Variants in COL26A1 observed in about 807,000 individuals in gnomAD.
The protein encoded by COL26A1 is collagen alpha-1(XXVI) chain.
COL26A1 carries 41 observed loss-of-function variants against 59.3 expected under a neutral mutation model. That is an observed-to-expected ratio of 0.69 (90% confidence interval 0.54 to 0.90). The LOEUF is 0.90. Among genes scored for constraint, COL26A1 ranks in the 40% least tolerant of loss-of-function variants. COL26A1 has a pLI of 0.00. For missense variants in COL26A1, 612 were observed against 602.3 expected, an observed-to-expected ratio of 1.02 and a Z score of -0.17; for synonymous variants, 266 against 256.0, an observed-to-expected ratio of 1.04 and a Z score of -0.37.
chr7:101,541,010 G>A (rs1795605213), intron 5 of COL26A1, among the ~76,000 whole-genome samples: 1 of 152,100 alleles, frequency 6.6e-6, no homozygotes, highest in South Asian at 2.1e-4. Flanking sequence ...TGAGAAAATT[G>A]GCCATCAGGG....
intron 3 of COL26A1, among the ~76,000 whole-genome samples, chr7:101,470,110 T>G (rs28759973): frequency 0.64 from 95,346 of 149,292 alleles, 32,658 homozygotes; most frequent in African/African-American, 0.91. Flanking sequence ...TTTTTTGTTT[T>G]TTTTTTTTTT....
intron 3 of COL26A1, among the ~76,000 whole-genome samples, chr7:101,497,682 A>AAAAT: frequency 6.6e-6 from 1 of 151,650 alleles, no homozygotes; most frequent in East Asian, 1.9e-4. Flanking sequence ...CCTCAGAAAA[A>AAAAT]AAATAAATAA....
At chr7:101,535,806 G>A (rs370054607) in intron 4 of COL26A1, among the ~76,000 whole-genome samples, 1 of 152,208 alleles carries the variant, frequency 6.6e-6, no homozygotes, top group African/African-American at 2.4e-5. Flanking sequence ...GGTCCAGAGT[G>A]GGGAAGCTCA....
At chr7:101,524,518 A>G (rs1416812993) in intron 3 of COL26A1, among the ~76,000 whole-genome samples, 2 of 151,746 alleles carry the variant, frequency 1.3e-5, no homozygotes, top group Non-Finnish European at 2.9e-5. Context: ...CTAGTGTAAC[A>G]CACCAGCTGC....
chr7:101,544,301 C>T (rs1335808702), intron 6 of COL26A1, among the ~76,000 whole-genome samples: 1 of 152,152 alleles, frequency 6.6e-6, no homozygotes, highest in East Asian at 1.9e-4. Context: ...CATCTCGGCT[C>T]ATTGCCACCT....
At position 101,409,112 on chromosome 7, in the gene COL26A1, G is replaced by T. The variant is rs559337022; in HGVS notation, c.159-10865G>T. On this transcript the variant is annotated intron_variant, in intron 1 of 12. Coordinates refer to ENST00000313669, the MANE Select transcript of COL26A1 (RefSeq NM_001278563.3). Reference sequence around the variant, plus strand: ...CCCAGATTTGGGTGAAGATGATCAGGACACCTTGCTTAGGTAGCAGAATGA... The same window carrying T: ...CCCAGATTTGGGTGAAGATGATCAGTACACCTTGCTTAGGTAGCAGAATGA... Among the ~76,000 whole-genome samples, 7 of 152,282 alleles carry T rather than the reference G, an allele frequency of 4.6e-5. No homozygotes were observed. In the South Asian group the frequency reaches 1.5e-3, roughly 32 times the overall value.
chr7:101,498,584 G>A (rs1384022488), intron 3 of COL26A1, among the ~76,000 whole-genome samples: 3 of 152,144 alleles, frequency 2.0e-5, no homozygotes, highest in African/African-American at 4.8e-5. Flanking sequence ...GCCTTTCTTT[G>A]CATGAGAAAC....
At chr7:101,373,370 G>C (rs1380344125) in intron 1 of COL26A1, among the ~76,000 whole-genome samples, 1 of 152,182 alleles carries the variant, frequency 6.6e-6, no homozygotes, top group Admixed American at 6.5e-5. Flanking sequence ...CACTTTCTTG[G>C]TTTGCAATGG....
chr7:101,456,166 A>G (rs1389522490), intron 3 of COL26A1, among the ~76,000 whole-genome samples: 1 of 99,598 alleles, frequency 1.0e-5, no homozygotes, highest in Admixed American at 9.7e-5. Flanking sequence ...ATATATATAT[A>G]TATTTTTTTT....
chr7:101,435,272 T>C (rs1336070461), intron 2 of COL26A1, among the ~76,000 whole-genome samples: 1 of 152,146 alleles, frequency 6.6e-6, no homozygotes, highest in Non-Finnish European at 1.5e-5. Context: ...TGAGCTGAGA[T>C]TGTGCCACTG....
intron 1 of COL26A1, among the ~76,000 whole-genome samples, chr7:101,401,766 G>GAA (rs1351616864): frequency 3.1e-5 from 4 of 129,950 alleles, no homozygotes; most frequent in African/African-American, 1.3e-4. Context: ...AGAGGAGGAG[G>GAA]GAGAAGAGGA....
At chr7:101,543,154 C>T (rs1795653784) in intron 5 of COL26A1, among the ~76,000 whole-genome samples, 1 of 150,342 alleles carries the variant, frequency 6.7e-6, no homozygotes, top group South Asian at 2.1e-4. Flanking sequence ...CAGTGCAGGT[C>T]CCTTCATCAG....
intron 1 of COL26A1, among the ~76,000 whole-genome samples, chr7:101,389,377 ATTTT>A (rs71106518): frequency 2.2e-5 from 2 of 89,374 alleles, no homozygotes; most frequent in African/African-American, 4.0e-5. Context: ...TGATTTGCAC[ATTTT>A]TTTTTTTTTT....
At chr7:101,460,411 C>T (rs1401659230) in intron 3 of COL26A1, among the ~76,000 whole-genome samples, 1 of 152,114 alleles carries the variant, frequency 6.6e-6, no homozygotes, top group East Asian at 1.9e-4. Context: ...CCTCTCTCTT[C>T]TGTAGATTGC....
At position 101,387,736 on chromosome 7, in the gene COL26A1, TTATATATATATATATATTTA is replaced by T. The variant is rs1376001362; in HGVS notation, c.158+24564_158+24583del. 2.8e-5 allele frequency among the ~76,000 whole-genome samples: 3 copies of T among 106,908 alleles called. 1 individual carries two copies. Among genetic ancestry groups the T allele is most frequent in the African/African-American group, 1.2e-4 (3 of 26,086 alleles). The allele number at this position is 106,908 out of a possible 152,430, so 70.1% of individuals were successfully genotyped here. ...TTTTTTAACATATATTTTAATATAA[TTATATATATATATATATTTA>T]TATATATATATATATATATATATTT... On this transcript the variant is annotated intron_variant, in intron 1 of 12. Transcript: ENST00000313669.
chr7:101,483,252 C>T (rs1794193635), intron 3 of COL26A1, among the ~76,000 whole-genome samples: 1 of 151,144 alleles, frequency 6.6e-6, no homozygotes, highest in Admixed American at 6.6e-5. Flanking sequence ...GGCTAGAGTG[C>T]AGTGGCATGA....
intron 1 of COL26A1, among the ~76,000 whole-genome samples, chr7:101,380,004 C>G (rs1791410024): frequency 6.6e-6 from 1 of 151,854 alleles, no homozygotes; most frequent in African/African-American, 2.4e-5. Flanking sequence ...TCTTTTTTTT[C>G]TTTTTGAGAC....
intron 3 of COL26A1, among the ~76,000 whole-genome samples, chr7:101,515,253 C>T (rs763322616): frequency 2.2e-4 from 34 of 152,154 alleles, no homozygotes; most frequent in Non-Finnish European, 3.2e-4. Context: ...ATTGGTGTTT[C>T]TGGATTCGAG....
chr7:101,381,756 T>G (rs1222681867), intron 1 of COL26A1, among the ~76,000 whole-genome samples: 1 of 152,198 alleles, frequency 6.6e-6, no homozygotes, highest in East Asian at 1.9e-4. Flanking sequence ...ATGTGTGCTT[T>G]GTGGGGGACA....
Sources: gnomAD v4.1 joint callset for allele counts (sites outside exome capture counted in the v4.1 genomes callset) on GRCh38, gnomAD v4.1.1 for gene constraint, MANE v1.5 for transcripts, NCBI Gene and HGNC (gene_info 2026-07-23, HGNC 2026-07-21) for gene names.